HPSE2: variants seen among roughly 807,000 people sequenced by gnomAD.
HPSE2 encodes inactive heparanase-2.
HPSE2 carries 38 observed loss-of-function variants against 60.5 expected under a neutral mutation model. That is an observed-to-expected ratio of 0.63 (90% CI 0.48 to 0.82). HPSE2 has a LOEUF of 0.82. HPSE2 is among the 40% of genes least tolerant of loss of function. The pLI is 0.00. For synonymous variants in HPSE2, 295 were observed against 293.2 expected, an observed-to-expected ratio of 1.01 and a Z score of -0.06; for missense variants, 713 against 740.4, an observed-to-expected ratio of 0.96 and a Z score of 0.43.
Position 98,739,066 on chromosome 10 carries a change from C to T in HPSE2, c.784+4817G>A, listed in dbSNP as rs531869454. Among the ~76,000 whole-genome samples the T allele has an allele frequency of 1.7e-4, 26 of 152,216 alleles. 1 individual carries two copies. In the South Asian group the frequency reaches 3.3e-3, roughly 19 times the overall value. On this transcript the variant is annotated intron_variant, in intron 4 of 11. Transcript: ENST00000370552. ...TATTCACAATAGCAAAAACTTGGAA[C>T]GAACCCAAATGCCCGTCAGTGATAG...
chr10:98,967,783 T>A (rs1345289288), intron 3 of HPSE2, among the ~76,000 whole-genome samples: 1 of 152,212 alleles, frequency 6.6e-6, no homozygotes, highest in Non-Finnish European at 1.5e-5. Flanking sequence ...CTGCCACTTG[T>A]TGCAGATAGA....
chr10:98,769,628 G>A (rs1950199541), intron 3 of HPSE2, among the ~76,000 whole-genome samples: 1 of 152,122 alleles, frequency 6.6e-6, no homozygotes, highest in African/African-American at 2.4e-5. Flanking sequence ...GAGATATGGG[G>A]CCTCTCTCCA....
At chr10:98,799,062 T>C (rs889186685) in intron 3 of HPSE2, among the ~76,000 whole-genome samples, 2 of 151,988 alleles carry the variant, frequency 1.3e-5, no homozygotes, top group Non-Finnish European at 2.9e-5. Context: ...CCTATAAAGA[T>C]ACACATAGAC....
intron 3 of HPSE2, among the ~76,000 whole-genome samples, chr10:98,880,229 C>CA (rs1952986277): frequency 6.6e-6 from 1 of 151,978 alleles, no homozygotes; most frequent in Admixed American, 6.6e-5. Flanking sequence ...ATCCCCAACT[C>CA]AAAAAGTACA....
chr10:98,739,822 TA>T (rs1448096802), intron 4 of HPSE2, among the ~76,000 whole-genome samples: 1 of 152,230 alleles, frequency 6.6e-6, no homozygotes, highest in Non-Finnish European at 1.5e-5. Context: ...GTTCATAATG[TA>T]GTTCAGTGTT....
chr10:99,029,538 A>AGGTCACGTG (rs1214590593), intron 3 of HPSE2, among the ~76,000 whole-genome samples: 8 of 152,206 alleles, frequency 5.3e-5, no homozygotes, highest in Admixed American at 6.5e-5. Flanking sequence ...ATGATAGGTA[A>AGGTCACGTG]GGTCACGTGG....
chr10:99,101,061 T>C (rs541898961), intron 3 of HPSE2, among the ~76,000 whole-genome samples: 12 of 152,296 alleles, frequency 7.9e-5, no homozygotes, highest in East Asian at 3.9e-4. Flanking sequence ...CCATCGAGGC[T>C]AGGAAGCAAC....
intron 9 of HPSE2, among the ~76,000 whole-genome samples, chr10:98,611,722 C>A (rs997835627): frequency 6.6e-6 from 1 of 152,202 alleles, no homozygotes; most frequent in South Asian, 2.1e-4. Flanking sequence ...CACACTCTCC[C>A]AGCTGCCAAG....
At chr10:98,691,843 G>C (rs930370054) in intron 6 of HPSE2, among the ~76,000 whole-genome samples, 1 of 152,164 alleles carries the variant, frequency 6.6e-6, no homozygotes. Context: ...TTTGGTTGTT[G>C]TGAGGATCAG....
rs947054887 is a variant in HPSE2, at chr10:98,539,787, G to A, written c.1321-49591C>T. ...CCCCTCTGCCTCTTGCAGTTTCTTGGCACTCTGCCCTAAGCACTTTGATTC... is the reference window on the plus strand; with the variant it reads ...CCCCTCTGCCTCTTGCAGTTTCTTGACACTCTGCCCTAAGCACTTTGATTC... On this transcript the variant is annotated intron_variant, in intron 9 of 11. Coordinates refer to ENST00000370552, the MANE Select transcript of HPSE2 (RefSeq NM_021828.5). Among the ~76,000 whole-genome samples the A allele has an allele frequency of 3.3e-5, 5 of 151,858 alleles. No homozygotes were observed. The East Asian group carries it at 9.7e-4, about 29-fold the overall frequency.
chr10:98,866,794 A>G (rs950847234), intron 3 of HPSE2, among the ~76,000 whole-genome samples: 6 of 152,188 alleles, frequency 3.9e-5, no homozygotes, highest in Non-Finnish European at 8.8e-5. Context: ...ATCTTTCAAA[A>G]AATGAAGATG....
chr10:98,993,479 C>G (rs1378746492), intron 3 of HPSE2, among the ~76,000 whole-genome samples: 1 of 152,220 alleles, frequency 6.6e-6, no homozygotes, highest in East Asian at 1.9e-4. Flanking sequence ...GTTCCACTAA[C>G]TCATGGAACT....
At chr10:99,310,345 T>C in the HPSE2 span, among the ~76,000 whole-genome samples, 1 of 152,232 alleles carries the variant, frequency 6.6e-6, no homozygotes, top group Non-Finnish European at 1.5e-5. Flanking sequence ...ATAGAGCCAC[T>C]AAAATATATA....
intron 3 of HPSE2, among the ~76,000 whole-genome samples, chr10:99,081,610 ATGATGATGATGAG>A (rs1843141265): frequency 6.6e-6 from 1 of 151,054 alleles, no homozygotes; most frequent in African/African-American, 2.4e-5. Flanking sequence ...GATGATGATG[ATGATGATGATGAG>A]ATAATATAAT....
At chr10:99,285,522 G>GGT in the HPSE2 span, among the ~76,000 whole-genome samples, 1 of 138,558 alleles carries the variant, frequency 7.2e-6, no homozygotes, top group African/African-American at 2.7e-5. Context: ...AAGGAGTAGG[G>GGT]TGGAGGGAGG....
At chr10:99,227,120 A>T (rs1043024082) in intron 2 of HPSE2, among the ~76,000 whole-genome samples, 1 of 152,084 alleles carries the variant, frequency 6.6e-6, no homozygotes, top group Non-Finnish European at 1.5e-5. Flanking sequence ...ATAGAATGGG[A>T]TTAAAAAGAA....
chr10:98,895,900 A>G (rs1953474927), intron 3 of HPSE2, among the ~76,000 whole-genome samples: 3 of 128,122 alleles, frequency 2.3e-5, no homozygotes, highest in South Asian at 5.4e-4. Flanking sequence ...ACACATGGAC[A>G]CAGGAAGGGG....
At chr10:98,868,106 TA>T in intron 3 of HPSE2, among the ~76,000 whole-genome samples, 1 of 150,132 alleles carries the variant, frequency 6.7e-6, no homozygotes, top group South Asian at 2.1e-4. Context: ...AATAAATAAA[TA>T]AATAAATAAA....
chr10:99,081,900 T>C (rs1843156947), intron 3 of HPSE2, among the ~76,000 whole-genome samples: 1 of 152,158 alleles, frequency 6.6e-6, no homozygotes, highest in Non-Finnish European at 1.5e-5. Context: ...CCTCCCAAAG[T>C]GCTGGAATTA....
Sources: gnomAD v4.1 joint callset for allele counts (sites outside exome capture counted in the v4.1 genomes callset) on GRCh38, gnomAD v4.1.1 for gene constraint, MANE v1.5 for transcripts, NCBI Gene and HGNC (gene_info 2026-07-23, HGNC 2026-07-21) for gene names.